Variants in TP53I11 observed in about 807,000 individuals in gnomAD.
TP53I11 encodes tumor protein p53 inducible protein 11.
TP53I11 carries 9 observed loss-of-function variants against 23.3 expected under a neutral mutation model. The observed-to-expected ratio is 0.39, with a 90% CI of 0.23 to 0.67. The LOEUF is 0.67. TP53I11 is among the 30% of genes least tolerant of loss of function. The pLI, the probability that TP53I11 is intolerant of heterozygous loss-of-function variation, is 0.48. For synonymous variants in TP53I11, 100 were observed against 106.1 expected, an observed-to-expected ratio of 0.94 and a Z score of 0.35; for missense variants, 170 against 255.2, an observed-to-expected ratio of 0.67 and a Z score of 2.27.
chr11:44,947,324 C>A, intron 1 of TP53I11: 1 of 357,420 alleles, frequency 2.8e-6, no homozygotes, highest in East Asian at 7.4e-5. Context: ...GTGTCGTCAT[C>A]AGGACAGCCT....
intron 2 of TP53I11, among the ~76,000 whole-genome samples, chr11:44,937,837 G>A (rs928650592): frequency 6.6e-6 from 1 of 152,228 alleles, no homozygotes; most frequent in African/African-American, 2.4e-5. Context: ...ACGTATGAAA[G>A]CTCAGGGCTC....
chr11:44,938,482 C>G (rs948561626), intron 1 of TP53I11, 116 bp from the exon 2 acceptor site: 1 of 1,238,432 alleles, frequency 8.1e-7, no homozygotes. Context: ...GGCCTCCCCA[C>G]GAGCCCAGGG....
intron 1 of TP53I11, 148 bp from the exon 2 acceptor site, chr11:44,938,514 C>T: frequency 1.1e-6 from 1 of 932,802 alleles, no homozygotes; most frequent in Non-Finnish European, 1.5e-6. Context: ...GTACAGCTGG[C>T]TTCCTTGTCA....
intron 1 of TP53I11, among the ~76,000 whole-genome samples, chr11:44,948,493 C>A (rs1440213434): frequency 6.6e-6 from 1 of 152,148 alleles, no homozygotes; most frequent in East Asian, 1.9e-4. Flanking sequence ...CAACCCGGTC[C>A]CTGGCCTCAA....
At chr11:44,940,150 C>T (rs896681151) in intron 1 of TP53I11, among the ~76,000 whole-genome samples, 1 of 152,274 alleles carries the variant, frequency 6.6e-6, no homozygotes, top group African/African-American at 2.4e-5. Context: ...CCAGGCGAGG[C>T]TGCCCTGAAA....
rs1861204425 is a variant in TP53I11, at chr11:44,936,968, C to T, written c.238-69G>A. On this transcript the variant is annotated intron_variant, in intron 4 of 6. Coordinates refer to ENST00000525680, the MANE Select transcript of TP53I11 (RefSeq NM_006034.5). The surrounding 1 kb of genome is among the most constrained non-coding windows in gnomAD (Gnocchi z 4.4). ...GTGGGGGGTGACAGCTGATGCTTCCCACAGACGTCTTCCTTCCCCGCCAGG... is the reference window on the plus strand; with the variant it reads ...GTGGGGGGTGACAGCTGATGCTTCCTACAGACGTCTTCCTTCCCCGCCAGG... The T allele has an allele frequency of 2.7e-6, 3 of 1,131,608 alleles. No individual in the cohort carries two copies. The highest frequency in any genetic ancestry group is 3.8e-6 in the Non-Finnish European group (3 of 789,596). The allele number at this position is 1,131,608 out of a possible 1,614,324, so 70.1% of individuals were successfully genotyped here.
At position 44,932,547 on chromosome 11, in the gene TP53I11, G is replaced by C. The variant is rs1565039157; in HGVS notation, c.*2337C>G. On this transcript the variant is annotated 3_prime_UTR_variant, in exon 7 of 7. Transcript: ENST00000525680. ...TCCAGGTCACCCCAAACGGAGCGTA[G>C]AGCGGGCCCACACCGAGCTTTCCTC... The C allele has an allele frequency of 6.6e-6, 1 of 152,258 alleles. No individual in the cohort carries two copies. The highest frequency in any genetic ancestry group is 2.4e-5 in the African/African-American group (1 of 41,432). 9.4% of individuals were successfully genotyped at this position (152,258 alleles called of 1,614,324 possible).
intron 1 of TP53I11, among the ~76,000 whole-genome samples, chr11:44,948,612 C>T (rs1862613810): frequency 6.6e-6 from 1 of 152,176 alleles, no homozygotes; most frequent in African/African-American, 2.4e-5. Flanking sequence ...AGCATCAGCT[C>T]CATGAGGACA....
intron 1 of TP53I11, among the ~76,000 whole-genome samples, chr11:44,939,646 A>G (rs762807917): frequency 6.6e-6 from 1 of 152,256 alleles, no homozygotes; most frequent in Non-Finnish European, 1.5e-5. Context: ...AACAAATATC[A>G]GAACACAGTT....
chr11:44,938,839 G>A (rs936730325), intron 1 of TP53I11, among the ~76,000 whole-genome samples: 1 of 152,252 alleles, frequency 6.6e-6, no homozygotes, highest in South Asian at 2.1e-4. Flanking sequence ...CCTGCAAGCC[G>A]GTGAGCCCCT....
At chr11:44,938,137 C>T in intron 2 of TP53I11, 70 bp downstream of exon 2, 1 of 1,521,956 alleles carries the variant, frequency 6.6e-7, no homozygotes. Context: ...CCTGGGCTAA[C>T]CTTCTCCCCT....
At chr11:44,951,015 C>T (rs1412115904), upstream of TP53I11, 1 of 152,018 alleles carries the variant, frequency 6.6e-6, no homozygotes, top group East Asian at 1.9e-4. Flanking sequence ...GCGGGGAAAC[C>T]AGGCTCCCGG....
chr11:44,935,861 G>A, intron 5 of TP53I11, 199 bp from the exon 6 acceptor site: 1 of 598,544 alleles, frequency 1.7e-6, no homozygotes, highest in Non-Finnish European at 3.0e-6. Context: ...CAATGCTGCT[G>A]CTTCAGCCTG....
intron 1 of TP53I11, among the ~76,000 whole-genome samples, chr11:44,949,737 C>A (rs1049631895): frequency 9.2e-5 from 14 of 152,262 alleles, no homozygotes; most frequent in African/African-American, 3.1e-4. Flanking sequence ...ACGGCAGGGG[C>A]CCTAACCCAC....
Position 44,936,649 on chromosome 11 carries a change from A to G in TP53I11, c.334+154T>C, listed in dbSNP as rs1861143557. 11 of 1,364,138 alleles carry G rather than the reference A, an allele frequency of 8.1e-6. No individual in the cohort carries two copies. In the Admixed American group the frequency reaches 2.1e-4, roughly 26 times the overall value. The allele number at this position is 1,364,138 out of a possible 1,614,324, so 84.5% of individuals were successfully genotyped here. A position where few individuals can be genotyped will look rare whatever the true frequency, so the allele number is the denominator to read the frequency against. On this transcript the variant is annotated intron_variant, in intron 5 of 6. Transcript: ENST00000525680. The surrounding 1 kb of genome is among the most constrained non-coding windows in gnomAD (Gnocchi z 4.4). ...GGCCACAAGATGGCAGCACATCCCCAGCAGAGAGCTTCATCAGAGGCCGGG... is the reference window on the plus strand; with the variant it reads ...GGCCACAAGATGGCAGCACATCCCCGGCAGAGAGCTTCATCAGAGGCCGGG...
chr11:44,935,688 T>TGGGGGGGGGGTTTTAATTGGGGGGG, intron 5 of TP53I11, 26 bp from the exon 6 acceptor site: 1 of 424,488 alleles, frequency 2.4e-6, no homozygotes, highest in Non-Finnish European at 4.4e-6. Flanking sequence ...AAAAGGGGGC[T>TGGGGGGGGGGTTTTAATTGGGGGGG]GGGGGTGGGA....
At chr11:44,937,410 C>A in intron 3 of TP53I11, 58 bp from the exon 4 acceptor site, 1 of 1,488,852 alleles carries the variant, frequency 6.7e-7, no homozygotes, top group African/African-American at 1.4e-5. Context: ...CCCTCTCCAG[C>A]CCAGATCCCC....
At chr11:44,938,051 C>T (rs1861354166) in intron 2 of TP53I11, among the ~76,000 whole-genome samples, 156 bp downstream of exon 2, 1 of 152,228 alleles carries the variant, frequency 6.6e-6, no homozygotes, top group Non-Finnish European at 1.5e-5. Context: ...TTCTAATGAT[C>T]TCGTTATTCC....
chr11:44,938,170 C>T (rs1457269374), intron 2 of TP53I11, 37 bp downstream of exon 2: 2 of 1,597,416 alleles, frequency 1.3e-6, no homozygotes, highest in African/African-American at 2.7e-5. Context: ...GCCTGGCCTC[C>T]CCAGTGGGTG....
Sources: allele counts gnomAD v4.1 joint callset (sites outside exome capture counted in the v4.1 genomes callset), GRCh38; gene constraint gnomAD v4.1.1; non-coding constraint Gnocchi (gnomAD v3.1); transcripts MANE v1.5; gene names NCBI Gene and HGNC (gene_info 2026-07-23, HGNC 2026-07-21).